The following CTNNA3 variants were observed in gnomAD, a reference collection of about 807,000 sequenced individuals.
CTNNA3 encodes catenin alpha-3.
In CTNNA3, 76 loss-of-function variants were observed where a neutral mutation model predicts 95.7. The ratio of observed to expected loss-of-function variants is 0.79; its 90% confidence interval spans 0.66 to 0.96. The LOEUF is 0.96. Ranked by LOEUF, CTNNA3 falls within the 40% of genes least tolerant of loss-of-function variation. The probability of loss-of-function intolerance (pLI) is 0.00; values close to 1 mark genes in which losing one functional copy is unlikely to be tolerated. For synonymous variants in CTNNA3, 431 were observed against 374.4 expected (o/e 1.15, Z -1.74); for missense variants, 1,191 against 1,089.8 (o/e 1.09, Z -1.31).
At chr10:66,064,092 G>T (rs966418315) in intron 15 of CTNNA3, among the ~76,000 whole-genome samples, 1 of 152,118 alleles carries the variant, frequency 6.6e-6, no homozygotes, top group African/African-American at 2.4e-5. Context: ...GGAGCCCTCA[G>T]GAAACTTACA....
At chr10:67,027,722 C>T (rs1853480456) in intron 7 of CTNNA3, among the ~76,000 whole-genome samples, 1 of 152,106 alleles carries the variant, frequency 6.6e-6, no homozygotes, top group South Asian at 2.1e-4. Context: ...AGCCACCGTG[C>T]CCGGCTGACA....
At chr10:67,676,158 T>A (rs1027572047) in intron 1 of CTNNA3, among the ~76,000 whole-genome samples, 1 of 152,098 alleles carries the variant, frequency 6.6e-6, no homozygotes. Flanking sequence ...AATATATTAA[T>A]GATACAGGCT....
intron 5 of CTNNA3, among the ~76,000 whole-genome samples, chr10:67,498,201 C>A (rs748599359): frequency 6.6e-6 from 1 of 152,156 alleles, no homozygotes; most frequent in Admixed American, 6.5e-5. Context: ...AATCTTTTCC[C>A]CATTGCTTGT....
At chr10:66,527,657 T>G (rs1841315925) in intron 10 of CTNNA3, among the ~76,000 whole-genome samples, 1 of 152,144 alleles carries the variant, frequency 6.6e-6, no homozygotes, top group African/African-American at 2.4e-5. Flanking sequence ...TTCACCTCTT[T>G]CGTTAAGCTT....
intron 7 of CTNNA3, 88 bp from the exon 8 acceptor site, chr10:66,775,612 A>T: frequency 1.1e-6 from 1 of 886,758 alleles, no homozygotes; most frequent in Non-Finnish European, 1.8e-6. Flanking sequence ...TGAAAATAAC[A>T]GCTTGAAATT....
At chr10:66,682,890 C>T (rs1234528121) in intron 9 of CTNNA3, among the ~76,000 whole-genome samples, 1 of 152,066 alleles carries the variant, frequency 6.6e-6, no homozygotes, top group African/African-American at 2.4e-5. Context: ...TTTTCTGTGC[C>T]TCAGTTTTCT....
At chr10:66,264,288 C>T (rs2091092375) in intron 13 of CTNNA3, among the ~76,000 whole-genome samples, 1 of 151,868 alleles carries the variant, frequency 6.6e-6, no homozygotes, top group African/African-American at 2.4e-5. Context: ...CAAGAAACCC[C>T]AAAGCCACAT....
At chr10:67,014,049 TA>T (rs1203664560) in intron 7 of CTNNA3, among the ~76,000 whole-genome samples, 2 of 152,126 alleles carry the variant, frequency 1.3e-5, no homozygotes, top group African/African-American at 4.8e-5. Context: ...AGGGGGAGTG[TA>T]AAAAATAACC....
intron 3 of CTNNA3, among the ~76,000 whole-genome samples, chr10:67,545,080 T>TA (rs397975368): frequency 1.3e-5 from 2 of 150,506 alleles, no homozygotes; most frequent in South Asian, 2.1e-4. Context: ...TGTGTTTTTT[T>TA]ATTATTATAC....
chr10:67,636,473 C>T lies in CTNNA3; in HGVS notation c.99+10942G>A, dbSNP rs181939609. Among the ~76,000 whole-genome samples the T allele has an allele frequency of 1.1e-3, 160 of 152,220 alleles. 1 individual carries two copies. The highest frequency in any genetic ancestry group is 3.7e-3 in the African/African-American group (152 of 41,552). Reference sequence around the variant, plus strand: ...CATGGTACTGGTATAAAAACAGACACGTAGACCAATGGAACAGAATAGGGA... The same window carrying T: ...CATGGTACTGGTATAAAAACAGACATGTAGACCAATGGAACAGAATAGGGA... On this transcript the variant is annotated intron_variant, in intron 2 of 17. Transcript: ENST00000433211.
At chr10:66,629,415 A>G (rs1845055591) in intron 9 of CTNNA3, among the ~76,000 whole-genome samples, 1 of 152,134 alleles carries the variant, frequency 6.6e-6, no homozygotes, top group Admixed American at 6.6e-5. Context: ...AGGTTGGTGC[A>G]AAAGTGATTG....
chr10:67,691,916 C>T (rs1589570186), intron 1 of CTNNA3, among the ~76,000 whole-genome samples: 2 of 149,306 alleles, frequency 1.3e-5, no homozygotes, highest in African/African-American at 4.9e-5. Flanking sequence ...CCCGGCCAGC[C>T]ACCCCGTCCG....
chr10:66,140,864 T>A (rs1472312866), intron 13 of CTNNA3, among the ~76,000 whole-genome samples: 4 of 152,208 alleles, frequency 2.6e-5, no homozygotes, highest in African/African-American at 9.7e-5. Context: ...TCTTTATGTT[T>A]TTATTTAAGA....
At chr10:66,346,226 TATATATATATATATATATATAGAGAGAG>T (rs1415730347) in intron 12 of CTNNA3, among the ~76,000 whole-genome samples, 992 of 73,144 alleles carry the variant, frequency 0.014, 2 homozygotes, top group Admixed American at 0.031. Context: ...TATATATATA[TATATATATATATATATATATAGAGAGAG>T]AGAGAGAGAG....
intron 5 of CTNNA3, among the ~76,000 whole-genome samples, chr10:67,250,627 C>A (rs560251742): frequency 6.6e-6 from 1 of 152,222 alleles, no homozygotes; most frequent in East Asian, 1.9e-4. Context: ...CAGAGGGATG[C>A]CTGTATATTT....
In CTNNA3 at chr10:67,606,959, C is replaced by T. The variant is rs1440889284; in HGVS notation, c.190G>A (p.Glu64Lys). Residue 64 changes from glutamate (E) to lysine (K), a missense_variant, in exon 3 of 18, where the codon GAA becomes AAA. Coordinates refer to ENST00000433211, the MANE Select transcript of CTNNA3 (RefSeq NM_013266.4). Reference protein sequence around the residue: ...RASVLLASVEEATWNLLDKGE... With the variant: ...RASVLLASVEKATWNLLDKGE... Reference sequence around the variant, plus strand: ...TTGTCTAATAAATTCCAAGTTGCTTCCTCCACAGAAGCTAGAAGGACACTG... The same window carrying T: ...TTGTCTAATAAATTCCAAGTTGCTTTCTCCACAGAAGCTAGAAGGACACTG... 6.2e-7 allele frequency: 1 copy of T among 1,614,032 alleles called. No individual in the cohort carries two copies. Among genetic ancestry groups the T allele is most frequent in the Non-Finnish European group, 8.5e-7 (1 of 1,179,908 alleles).
At chr10:67,312,070 A>T (rs1840831051) in intron 5 of CTNNA3, among the ~76,000 whole-genome samples, 1 of 132,330 alleles carries the variant, frequency 7.6e-6, no homozygotes, top group African/African-American at 2.5e-5. Context: ...TATACATTTA[A>T]ATTACTTTTT....
intron 3 of CTNNA3, among the ~76,000 whole-genome samples, chr10:67,563,762 C>A (rs1339913639): frequency 3.9e-5 from 6 of 151,902 alleles, no homozygotes; most frequent in Admixed American, 1.3e-4. Context: ...GGGCTAATAT[C>A]CAGAATCGAT....
intron 9 of CTNNA3, among the ~76,000 whole-genome samples, chr10:66,718,573 A>G (rs1848527389): frequency 6.6e-6 from 1 of 151,420 alleles, no homozygotes; most frequent in South Asian, 2.1e-4. Context: ...ATGTTTGTAT[A>G]TGTAGTAATT....
Sources: allele counts gnomAD v4.1 joint callset (sites outside exome capture counted in the v4.1 genomes callset), GRCh38; gene constraint gnomAD v4.1.1; transcripts MANE v1.5; gene names NCBI Gene and HGNC (gene_info 2026-07-23, HGNC 2026-07-21).